Variants in MRPL1 observed in about 807,000 individuals in gnomAD.
MRPL1 encodes mitochondrial ribosomal protein L1, also known as large ribosomal subunit protein uL1m.
Under a neutral mutation model 38.0 loss-of-function variants are expected in MRPL1, and 28 were observed. The ratio of observed to expected loss-of-function variants is 0.74; its 90% CI spans 0.55 to 1.01. The LOEUF (loss-of-function observed/expected upper bound fraction) is 1.01, where lower values mean the gene tolerates loss of function less well. Among genes scored for constraint, MRPL1 ranks in the 50% least tolerant of loss-of-function variants. MRPL1 has a pLI of 0.00. For synonymous variants in MRPL1, 123 were observed against 126.7 expected, an observed-to-expected ratio of 0.97 and a Z score of 0.20; for missense variants, 358 against 389.8, an observed-to-expected ratio of 0.92 and a Z score of 0.69.
Position 77,894,237 on chromosome 4 carries a change from A to C in MRPL1, c.657A>C (p.Pro219=). The C allele has an allele frequency of 1.9e-6, 3 of 1,578,320 alleles. No homozygotes were observed. In the African/African-American group the frequency reaches 4.1e-5, roughly 21 times the overall value. ...GGAAGAAACTGAATAAAAAATATCC[A>C]AAGCTTTCTCGAAGTAAGAGAATTC... ...RLRKKLNKKY[P]KLSRNSIGRD... is the part of the protein sequence containing the mutation. Residue 219 remains proline (P), a synonymous_variant, in exon 6 of 9, where the codon CCA becomes CCC. Coordinates refer to ENST00000315567, the MANE Select transcript of MRPL1 (RefSeq NM_020236.4).
intron 1 of MRPL1, among the ~76,000 whole-genome samples, chr4:77,865,723 T>C (rs1735114071): frequency 6.6e-6 from 1 of 152,182 alleles, no homozygotes; most frequent in African/African-American, 2.4e-5. Context: ...CTGTTGGCTT[T>C]ACGCTTAAAA....
intron 7 of MRPL1, among the ~76,000 whole-genome samples, chr4:77,912,855 G>T (rs1736320553): frequency 6.6e-6 from 1 of 152,068 alleles, no homozygotes; most frequent in South Asian, 2.1e-4. Context: ...ACAGTTAATG[G>T]AATAGAATAG....
At chr4:77,867,432 T>TGTGCTAG (rs1329637708) in intron 1 of MRPL1, among the ~76,000 whole-genome samples, 2 of 152,272 alleles carry the variant, frequency 1.3e-5, no homozygotes, top group African/African-American at 4.8e-5. Flanking sequence ...TGACAAACAC[T>TGTGCTAG]GTGCTAGGTG....
Position 77,865,228 on chromosome 4 carries a change from C to T in MRPL1, c.31+2349C>T, listed in dbSNP as rs530364125. Among the ~76,000 whole-genome samples the T allele has an allele frequency of 1.2e-4, 18 of 152,246 alleles. No individual in the cohort carries two copies. In the South Asian group the frequency reaches 3.7e-3, roughly 32 times the overall value. On this transcript the variant is annotated intron_variant, in intron 1 of 8. Transcript: ENST00000315567. ...ACCTTAATGGTTATCAAATTTATAT[C>T]TACAGTTGGGATCACTCTTCTGAAC...
chr4:77,888,128 T>C (rs2110237775), intron 5 of MRPL1, among the ~76,000 whole-genome samples: 1 of 152,318 alleles, frequency 6.6e-6, no homozygotes, highest in East Asian at 1.9e-4. Flanking sequence ...TTGGTTCCTC[T>C]TAACTTTTAG....
intron 6 of MRPL1, among the ~76,000 whole-genome samples, chr4:77,904,022 G>A (rs1157201463): frequency 1.7e-4 from 26 of 152,010 alleles, no homozygotes; most frequent in Admixed American, 1.4e-3. Context: ...GAGGCAGGAC[G>A]GTTTCGTGAG....
At chr4:77,881,436 A>G (rs1370630074) in intron 2 of MRPL1, among the ~76,000 whole-genome samples, 1 of 149,742 alleles carries the variant, frequency 6.7e-6, no homozygotes, top group Admixed American at 6.6e-5. Flanking sequence ...CCCATCTTCA[A>G]TATTTACTTT....
At chr4:77,913,837 CT>C (rs1383771629) in intron 7 of MRPL1, among the ~76,000 whole-genome samples, 7 of 152,082 alleles carry the variant, frequency 4.6e-5, no homozygotes, top group African/African-American at 1.7e-4. Flanking sequence ...AATAATTTTG[CT>C]GAGTGAAAGA....
intron 7 of MRPL1, among the ~76,000 whole-genome samples, chr4:77,941,938 T>G (rs1241727564): frequency 6.6e-6 from 1 of 152,156 alleles, no homozygotes; most frequent in Non-Finnish European, 1.5e-5. Flanking sequence ...TTATTCTTGT[T>G]TCTCTAGTTC....
chr4:77,900,416 AGTATT>A (rs1736006286), intron 6 of MRPL1, among the ~76,000 whole-genome samples: 1 of 152,216 alleles, frequency 6.6e-6, no homozygotes, highest in Non-Finnish European at 1.5e-5. Flanking sequence ...AAATGTACAA[AGTATT>A]GTAGAGGAAT....
chr4:77,891,536 A>C (rs1735807768), intron 5 of MRPL1, among the ~76,000 whole-genome samples: 1 of 151,856 alleles, frequency 6.6e-6, no homozygotes, highest in Non-Finnish European at 1.5e-5. Flanking sequence ...TTGTATTTTT[A>C]GTAGAGATGG....
At chr4:77,928,557 AAG>A (rs1377748829) in intron 7 of MRPL1, among the ~76,000 whole-genome samples, 1 of 152,170 alleles carries the variant, frequency 6.6e-6, no homozygotes, top group Non-Finnish European at 1.5e-5. Context: ...GGGAATTATA[AAG>A]AGAGGAAAAT....
chr4:77,942,589 G>A (rs1290912687), intron 7 of MRPL1, among the ~76,000 whole-genome samples: 1 of 152,012 alleles, frequency 6.6e-6, no homozygotes, highest in African/African-American at 2.4e-5. Flanking sequence ...TTTTCCTGTT[G>A]GACAAGTTCT....
intron 7 of MRPL1, among the ~76,000 whole-genome samples, chr4:77,915,351 T>C (rs965847726): frequency 2.6e-5 from 4 of 152,244 alleles, no homozygotes; most frequent in East Asian, 1.9e-4. Context: ...AAACTGTGTA[T>C]ACTAATGCTC....
chr4:77,952,067 T>C (rs1468826096), intron 8 of MRPL1, among the ~76,000 whole-genome samples: 3 of 152,232 alleles, frequency 2.0e-5, no homozygotes, highest in African/African-American at 4.8e-5. Context: ...AGTTTGTTTT[T>C]GAACTGCACG....
intron 7 of MRPL1, 43 bp from the exon 8 acceptor site, chr4:77,949,754 T>G (rs1737363687): frequency 7.8e-7 from 1 of 1,279,736 alleles, no homozygotes; most frequent in Non-Finnish European, 1.1e-6. Context: ...TATTATCTTC[T>G]TGCTTTCTCA....
At chr4:77,871,543 A>G (rs1275686830) in intron 1 of MRPL1, among the ~76,000 whole-genome samples, 2 of 152,174 alleles carry the variant, frequency 1.3e-5, no homozygotes, top group East Asian at 3.9e-4. Context: ...TAACCTCGTG[A>G]TTCACCCGCC....
At chr4:77,863,726 CAA>C (rs1297550606) in intron 1 of MRPL1, among the ~76,000 whole-genome samples, 1 of 152,176 alleles carries the variant, frequency 6.6e-6, no homozygotes, top group African/African-American at 2.4e-5. Context: ...CTCGGCCTCT[CAA>C]AGTGCTGGGA....
In MRPL1 at chr4:77,896,517, C is replaced by T. The variant is rs376915617; in HGVS notation, c.670+2267C>T. Reference sequence around the variant, plus strand: ...CCTGTCAAAAATGTTAAATGGAATACATCAGATGTGCATTAGAACAAATGA... The same window carrying T: ...CCTGTCAAAAATGTTAAATGGAATATATCAGATGTGCATTAGAACAAATGA... On this transcript the variant is annotated intron_variant, in intron 6 of 8. Transcript: ENST00000315567. Among the ~76,000 whole-genome samples the T allele has an allele frequency of 1.6e-4, 25 of 152,262 alleles. No individual in the cohort carries two copies. The East Asian group carries it at 3.7e-3, about 22-fold the overall frequency.
Sources: gnomAD v4.1 joint callset for allele counts (sites outside exome capture counted in the v4.1 genomes callset) on GRCh38, gnomAD v4.1.1 for gene constraint, MANE v1.5 for transcripts, NCBI Gene and HGNC (gene_info 2026-07-23, HGNC 2026-07-21) for gene names.